PICALM: variants seen among roughly 807,000 people sequenced by gnomAD.
PICALM encodes phosphatidylinositol-binding clathrin assembly protein.
In PICALM, 40 loss-of-function variants were observed where a neutral mutation model predicts 80.5. The observed-to-expected ratio is 0.50, with a 90% CI of 0.39 to 0.65. The LOEUF (loss-of-function observed/expected upper bound fraction) is 0.65, where lower values mean the gene tolerates loss of function less well. PICALM is among the 30% of genes least tolerant of loss of function. The probability of loss-of-function intolerance (pLI) is 0.00; values close to 1 mark genes in which losing one functional copy is unlikely to be tolerated. For synonymous variants in PICALM, 288 were observed against 260.3 expected (o/e 1.11, Z -1.02); for missense variants, 676 against 778.9 (o/e 0.87, Z 1.57).
Position 86,031,993 on chromosome 11 carries a change from A to G in PICALM, c.131-382T>C, listed in dbSNP as rs140572707. ...TCATCTCTTTAAAATTAACTTTAAC[A>G]TTTTTCTTTAAATAAAGCTTATTTA... is the stretch of plus-strand genomic sequence containing the variant. On this transcript the variant is annotated intron_variant, in intron 1 of 19. Coordinates refer to ENST00000393346, the MANE Select transcript of PICALM (RefSeq NM_007166.4). Among the ~76,000 whole-genome samples the G allele has an allele frequency of 2.3e-3, 350 of 152,284 alleles. 2 individuals carry two copies. Among genetic ancestry groups the G allele is most frequent in the African/African-American group, 8.1e-3 (336 of 41,548 alleles).
chr11:86,025,181 C>T (rs772435224), intron 3 of PICALM, among the ~76,000 whole-genome samples: 2 of 152,174 alleles, frequency 1.3e-5, no homozygotes, highest in African/African-American at 4.8e-5. Flanking sequence ...GCAAGCAGAT[C>T]ATGAGGTCAA....
chr11:85,977,519 A>C (rs1203161830), intron 17 of PICALM, among the ~76,000 whole-genome samples: 2 of 152,266 alleles, frequency 1.3e-5, no homozygotes, highest in African/African-American at 4.8e-5. Flanking sequence ...AACACTGCTA[A>C]AACATAAAAT....
rs1400299516 is a variant in PICALM, at chr11:86,033,269, G to C, written c.131-1658C>G. ...TAATACTATATAGTGCATGGTGCATGGTGTGTGTGTATATATATATACTGT... is the reference window on the plus strand; with the variant it reads ...TAATACTATATAGTGCATGGTGCATCGTGTGTGTGTATATATATATACTGT... On this transcript the variant is annotated intron_variant, in intron 1 of 19. Transcript: ENST00000393346. Among the ~76,000 whole-genome samples the C allele has an allele frequency of 1.3e-5, 2 of 151,482 alleles. 1 individual carries two copies.
chr11:86,026,337 T>C lies in PICALM; in HGVS notation c.304A>G (p.Thr102Ala), dbSNP rs779466539. ...RFIQYLASRN[T>A]LFNLSNFLDK... ...AAAAAATTGCTTAAGTTAAACAACG[T>C]GTTTCTTGAAGCCAAATACTGAATA... is the stretch of plus-strand genomic sequence containing the variant. The change falls in exon 3 of 20, where the codon ACG (threonine) becomes GCG (alanine). Residue 102 changes from threonine to alanine, a missense_variant. Physicochemically the swap from Thr to Ala is moderately conservative, Grantham distance 58. Around this residue, in one of 2 missense-constraint regions of PICALM, gnomAD observed 285 missense variants for 395.4 expected, o/e 0.72. Transcript: ENST00000393346. 4 of 1,604,560 alleles carry C rather than the reference T, an allele frequency of 2.5e-6. No individual in the cohort carries two copies.
chr11:85,965,991 A>AT (rs1188489412), intron 19 of PICALM, among the ~76,000 whole-genome samples: 4 of 150,930 alleles, frequency 2.7e-5, no homozygotes, highest in Non-Finnish European at 4.4e-5. Context: ...TAATTTTTGT[A>AT]TTTTTTGTAG....
intron 13 of PICALM, among the ~76,000 whole-genome samples, chr11:85,988,838 T>C (rs960807428): frequency 6.6e-6 from 1 of 152,170 alleles, no homozygotes; most frequent in Admixed American, 6.5e-5. Flanking sequence ...CATATTCCGT[T>C]TGCATAAATT....
chr11:85,959,820 T>G (rs2093629763), intron 19 of PICALM, among the ~76,000 whole-genome samples: 1 of 151,764 alleles, frequency 6.6e-6, no homozygotes, highest in Non-Finnish European at 1.5e-5. Flanking sequence ...CCCCAAGTGA[T>G]CCTCCCGCAT....
intron 1 of PICALM, among the ~76,000 whole-genome samples, chr11:86,061,556 C>G (rs111277864): frequency 6.6e-6 from 1 of 151,790 alleles, no homozygotes; most frequent in Non-Finnish European, 1.5e-5. Context: ...AAAACAATAC[C>G]ACTACACACC....
intron 14 of PICALM, chr11:85,982,270 T>C (rs1313587549): frequency 6.6e-6 from 2 of 302,974 alleles, no homozygotes; most frequent in South Asian, 5.5e-5. Context: ...GAGAGAAGTA[T>C]TATAAAAGAG....
chr11:86,015,668 G>A (rs1398141616), intron 4 of PICALM, among the ~76,000 whole-genome samples: 1 of 152,144 alleles, frequency 6.6e-6, no homozygotes, highest in African/African-American at 2.4e-5. Flanking sequence ...AGGTACTGGG[G>A]CTAACGTACA....
At chr11:86,037,211 T>C (rs1230097750) in intron 1 of PICALM, among the ~76,000 whole-genome samples, 12 of 141,500 alleles carry the variant, frequency 8.5e-5, no homozygotes, top group Non-Finnish European at 1.8e-4. Context: ...CCCAAAGGGC[T>C]GGGGATTACA....
At chr11:85,979,450 A>T (rs1326333762) in intron 17 of PICALM, among the ~76,000 whole-genome samples, 2 of 151,844 alleles carry the variant, frequency 1.3e-5, no homozygotes, top group Non-Finnish European at 2.9e-5. Context: ...AGGTCGCGCC[A>T]CTGCAATGTA....
chr11:86,051,618 G>A (rs1008889228), intron 1 of PICALM, among the ~76,000 whole-genome samples: 29 of 152,052 alleles, frequency 1.9e-4, no homozygotes, highest in African/African-American at 6.0e-4. Context: ...CTGACATCGC[G>A]ACACTGCACT....
At chr11:85,983,652 AACTC>A (rs1165935778) in intron 14 of PICALM, among the ~76,000 whole-genome samples, 16 of 152,258 alleles carry the variant, frequency 1.1e-4, no homozygotes, top group Admixed American at 2.6e-4. Context: ...CTCTAGGACT[AACTC>A]ACTCTTCCCA....
intron 1 of PICALM, among the ~76,000 whole-genome samples, chr11:86,039,701 C>T (rs544912501): frequency 4.0e-5 from 6 of 151,798 alleles, no homozygotes; most frequent in African/African-American, 1.4e-4. Context: ...GAATATATAC[C>T]ACATAATTGC....
chr11:86,064,455 G>A (rs2096413924), intron 1 of PICALM, among the ~76,000 whole-genome samples: 1 of 152,056 alleles, frequency 6.6e-6, no homozygotes, highest in Admixed American at 6.6e-5. Context: ...TTGAGCCCAG[G>A]AGTTTGAGAC....
Position 86,007,595 on chromosome 11 carries a change from G to C in PICALM, c.766-12C>G. On this transcript the variant is annotated splice_polypyrimidine_tract_variant and intron_variant, in intron 7 of 19. Coordinates refer to ENST00000393346, the MANE Select transcript of PICALM (RefSeq NM_007166.4). The stretch of plus-strand genomic sequence containing the variant: ...TCAATTCCAACTTGCTGTAAGAAAA[G>C]CATTGTATTTAATAAATTATAATAA... 1 of 1,389,716 alleles carries C rather than the reference G, an allele frequency of 7.2e-7. No individual in the cohort carries two copies. 86.1% of individuals were successfully genotyped at this position (1,389,716 alleles called of 1,614,324 possible). A position where few individuals can be genotyped will look rare whatever the true frequency, so the allele number is the denominator to read the frequency against.
chr11:85,988,219 C>A (rs960131824), intron 13 of PICALM, among the ~76,000 whole-genome samples: 1 of 152,114 alleles, frequency 6.6e-6, no homozygotes, highest in Non-Finnish European at 1.5e-5. Context: ...ACTTCAGATT[C>A]CATAACCTTG....
Position 86,003,412 on chromosome 11 carries a change from C to G in PICALM, c.847G>C (p.Ala283Pro). Residue 283 changes from alanine (A) to proline (P), a missense_variant, in exon 9 of 20, where the codon GCT (alanine) becomes CCT (proline). By Grantham distance (27) the Ala-to-Pro change is conservative (BLOSUM62 -1). This residue lies in a region of PICALM where 285 missense variants were observed against 395.4 expected (regional missense o/e 0.72). Transcript: ENST00000393346. ...TTGATTTTCTTTCCTTCCAAGGAAG[C>G]TAAATGTTGTTCCAAAGCATCAAGA... ...SLLDALEQHL[A>P]SLEGKKIKDS... 1.9e-6 allele frequency: 3 copies of G among 1,599,174 alleles called. No individual in the cohort carries two copies. The highest frequency in any genetic ancestry group is 2.6e-6 in the Non-Finnish European group (3 of 1,169,144).
Sources: gnomAD v4.1 joint callset for allele counts (sites outside exome capture counted in the v4.1 genomes callset) on GRCh38, gnomAD v4.1.1 for gene constraint, gnomAD v4.1.1 regional missense constraint, MANE v1.5 for transcripts, NCBI Gene and HGNC (gene_info 2026-07-23, HGNC 2026-07-21) for gene names.